ZNF570: variants seen among roughly 807,000 people sequenced by gnomAD.
The protein encoded by ZNF570 is zinc finger protein 570.
ZNF570 carries 8 observed loss-of-function variants against 14.2 expected under a neutral mutation model. The ratio of observed to expected loss-of-function variants is 0.56; its 90% CI spans 0.33 to 1.02. ZNF570 has a LOEUF of 1.02. Ranked by LOEUF, ZNF570 falls within the 50% of genes least tolerant of loss-of-function variation. The pLI, the probability that ZNF570 is intolerant of heterozygous loss-of-function variation, is 0.03. For synonymous variants in ZNF570, 202 were observed against 207.6 expected, an observed-to-expected ratio of 0.97 and a Z score of 0.23; for missense variants, 559 against 624.9, an observed-to-expected ratio of 0.89 and a Z score of 1.12.
intron 4 of ZNF570, among the ~76,000 whole-genome samples, chr19:37,479,991 A>G (rs929826176): frequency 1.1e-4 from 17 of 151,974 alleles, no homozygotes; most frequent in African/African-American, 4.1e-4. Context: ...ATAGATTTGG[A>G]TTTATTTTCC....
Position 37,487,708 on chromosome 19 carries a change from T to A in ZNF570, c.*2475T>A, listed in dbSNP as rs2042171130. 1 of 152,170 alleles carries A rather than the reference T, an allele frequency of 6.6e-6. No individual in the cohort carries two copies. The highest frequency in any genetic ancestry group is 2.4e-5 in the African/African-American group (1 of 41,428). 9.4% of individuals were successfully genotyped at this position (152,170 alleles called of 1,614,324 possible). On this transcript the variant is annotated 3_prime_UTR_variant, in exon 5 of 5. Coordinates refer to ENST00000330173, the MANE Select transcript of ZNF570 (RefSeq NM_144694.5). ...CAAAATGTTTCAGTGGTTTTTTTTG[T>A]TTGTTGTTTTTGTTTTTGTTTTGCC...
intron 4 of ZNF570, among the ~76,000 whole-genome samples, chr19:37,476,741 G>T (rs2042029431): frequency 8.4e-6 from 1 of 118,390 alleles, no homozygotes; most frequent in African/African-American, 3.4e-5. Context: ...ACAGAGTCTC[G>T]CTCTGTCACC....
intron 1 of ZNF570, 192 bp downstream of exon 1, chr19:37,469,749 TG>T (rs2041923496): frequency 1.6e-6 from 1 of 641,490 alleles, no homozygotes; most frequent in Admixed American, 2.7e-5. Context: ...TTGTCGCTTG[TG>T]ATAGATACCC....
chr19:37,469,493 G>A lies in ZNF570; in HGVS notation c.-116G>A, dbSNP rs2041917124. ...GTTCTGCAGGTCGGGAGTGGGCTGA[G>A]GAGTGGCGTGTGGGTCTCCGGAAGC... is the stretch of plus-strand genomic sequence containing the variant. On this transcript the variant is annotated 5_prime_UTR_variant, in exon 1 of 5. Transcript: ENST00000330173. 2.0e-6 allele frequency: 3 copies of A among 1,536,394 alleles called. No homozygotes were observed. In the Admixed American group the frequency reaches 5.9e-5, roughly 30 times the overall value.
chr19:37,484,654 C>T lies in ZNF570; in HGVS notation c.1032C>T (p.Ser344=), dbSNP rs1215907458. Residue 344 remains serine, a synonymous_variant, in exon 5 of 5, where the codon TCC becomes TCT. Transcript: ENST00000330173. ...GGAAAGCATTTAGCAACAGATCATC[C>T]ATTGCTCAACACCAGAGAGTTCATA... The part of the protein sequence containing the change: ...ECGKAFSNRS[S]IAQHQRVHTG... 1 of 1,613,854 alleles carries T rather than the reference C, an allele frequency of 6.2e-7. No individual in the cohort carries two copies. The highest frequency in any genetic ancestry group is 2.2e-5 in the East Asian group (1 of 44,862).
At position 37,470,088 on chromosome 19, in the gene ZNF570, T is replaced by G. The variant is rs547810025; in HGVS notation, c.-51-216T>G. On this transcript the variant is annotated intron_variant, in intron 1 of 4. Transcript: ENST00000330173. ...ACTTACATTCCTCTGAGTCTGTATT[T>G]GTAAAGCCTAGAACATCTGTTGTTA... 22 of 452,090 alleles carry G rather than the reference T, an allele frequency of 4.9e-5. No individual in the cohort carries two copies. In the East Asian group the frequency reaches 7.0e-4, roughly 14 times the overall value. 28.0% of individuals were successfully genotyped at this position (452,090 alleles called of 1,614,324 possible).
At chr19:37,471,420 C>G (rs1397465518) in intron 2 of ZNF570, among the ~76,000 whole-genome samples, 1 of 152,208 alleles carries the variant, frequency 6.6e-6, no homozygotes. Context: ...ACTCTAGTCT[C>G]TAACCAAAAA....
At position 37,484,037 on chromosome 19, in the gene ZNF570, C is replaced by A; in HGVS notation, c.415C>A (p.Pro139Thr). 6.2e-7 allele frequency: 1 copy of A among 1,614,028 alleles called. No homozygotes were observed. The highest frequency in any genetic ancestry group is 1.1e-5 in the South Asian group (1 of 91,076). Residue 139 changes from proline to threonine, a missense_variant, in exon 5 of 5, where the codon CCA becomes ACA. Physicochemically the swap from Pro to Thr is conservative, Grantham distance 38. Transcript: ENST00000330173. The part of the protein sequence containing the change: ...WKCEGYFERQ[P>T]GNQKACFKEE... ...ATGTGAGGGCTATTTTGAAAGGCAA[C>A]CAGGTAATCAGAAGGCGTGTTTCAA...
At chr19:37,471,009 A>ATTTTTTTTTTGTTTTT (rs2041952623) in intron 2 of ZNF570, among the ~76,000 whole-genome samples, 1 of 84,372 alleles carries the variant, frequency 1.2e-5, no homozygotes, top group Admixed American at 1.5e-4. Flanking sequence ...CAGTGAGTAC[A>ATTTTTTTTTTGTTTTT]TTTTTTTTTT....
At position 37,484,576 on chromosome 19, in the gene ZNF570, T is replaced by C. The variant is rs747927712; in HGVS notation, c.954T>C (p.Ala318=). The change falls in exon 5 of 5, where the codon GCT becomes GCC. Residue 318 remains alanine, a synonymous_variant. Transcript: ENST00000330173. ...RKAFSQFAYL[A]QHQRVHTGEK... is the part of the protein sequence containing the mutation. The stretch of plus-strand genomic sequence containing the variant: ...CCTTCAGCCAGTTTGCCTACCTTGC[T>C]CAACATCAGAGAGTTCACACGGGAG... 14 of 1,614,018 alleles carry C rather than the reference T, an allele frequency of 8.7e-6. No homozygotes were observed. The highest frequency in any genetic ancestry group is 1.0e-5 in the Non-Finnish European group (12 of 1,180,028).
At chr19:37,470,773 C>A (rs1177910862) in intron 2 of ZNF570, among the ~76,000 whole-genome samples, 8 of 138,050 alleles carry the variant, frequency 5.8e-5, no homozygotes, top group African/African-American at 1.9e-4. Flanking sequence ...CAATATGGCT[C>A]ACGGCAACAT....
At chr19:37,469,251 GC>G, upstream of ZNF570, 1 of 1,387,376 alleles carries the variant, frequency 7.2e-7, no homozygotes, top group Non-Finnish European at 9.3e-7. Context: ...GCCAGACACT[GC>G]GACGCCGCGA....
At chr19:37,470,158 GCAAA>G in intron 1 of ZNF570, 142 bp from the exon 2 acceptor site, 1 of 635,932 alleles carries the variant, frequency 1.6e-6, no homozygotes, top group Non-Finnish European at 2.7e-6. Flanking sequence ...TAAATTGTAT[GCAAA>G]CAAATTCCTA....
At position 37,484,218 on chromosome 19, in the gene ZNF570, T is replaced by C; in HGVS notation, c.596T>C (p.Phe199Ser). Residue 199 changes from phenylalanine (F) to serine (S), a missense_variant, in exon 5 of 5, where the codon TTT (phenylalanine) becomes TCT (serine). Physicochemically the swap from Phe to Ser is radical, Grantham distance 155. Transcript: ENST00000330173. ...VHKHDTQKRSFKKNLMAIKPK... is the reference protein window; with the variant it reads ...VHKHDTQKRSSKKNLMAIKPK... ...AAACATGACACACAAAAGAGAAGCTTTAAAAAAAATTTAATGGCTATTAAG... is the reference window on the plus strand; with the variant it reads ...AAACATGACACACAAAAGAGAAGCTCTAAAAAAAATTTAATGGCTATTAAG... The C allele has an allele frequency of 6.2e-7, 1 of 1,613,892 alleles. No individual in the cohort carries two copies. The highest frequency in any genetic ancestry group is 8.5e-7 in the Non-Finnish European group (1 of 1,179,992).
chr19:37,474,828 T>C (rs1414846732), intron 2 of ZNF570, among the ~76,000 whole-genome samples: 1 of 152,198 alleles, frequency 6.6e-6, no homozygotes, highest in African/African-American at 2.4e-5. Context: ...GGTTCACATC[T>C]TTTAATTTTG....
Position 37,485,103 on chromosome 19 carries a change from G to T in ZNF570, c.1481G>T (p.Gly494Val). 6.2e-7 allele frequency: 1 copy of T among 1,613,940 alleles called. No homozygotes were observed. The highest frequency in any genetic ancestry group is 8.5e-7 in the Non-Finnish European group (1 of 1,179,952). Reference protein sequence around the residue: ...SLAQHQRIHTGERPYECKECK... With the variant: ...SLAQHQRIHTVERPYECKECK... ...GCCCAACATCAGAGAATTCATACTG[G>T]AGAGAGACCCTATGAATGTAAGGAA... Residue 494 changes from glycine to valine, a missense_variant, in exon 5 of 5, where the codon GGA becomes GTA. Transcript: ENST00000330173.
upstream of ZNF570, chr19:37,468,165 C>T: frequency 3.6e-6 from 2 of 557,634 alleles, no homozygotes; most frequent in East Asian, 3.0e-5. Flanking sequence ...TGGCTCACTG[C>T]AGCCTCGAAC....
At position 37,484,535 on chromosome 19, in the gene ZNF570, A is replaced by G; in HGVS notation, c.913A>G (p.Lys305Glu). Residue 305 changes from lysine (K) to glutamate (E), a missense_variant, in exon 5 of 5, where the codon AAG becomes GAG. By Grantham distance (56) the Lys-to-Glu change is moderately conservative. Transcript: ENST00000330173. ...TACTGGAGAAAAACCTTACGAATGTAAGGTATGTCGAAAAGCCTTCAGCCA... is the reference window on the plus strand; with the variant it reads ...TACTGGAGAAAAACCTTACGAATGTGAGGTATGTCGAAAAGCCTTCAGCCA... ...VHTGEKPYEC[K>E]VCRKAFSQFA... 6.2e-7 allele frequency: 1 copy of G among 1,614,090 alleles called. No homozygotes were observed. The highest frequency in any genetic ancestry group is 8.5e-7 in the Non-Finnish European group (1 of 1,180,022).
intron 2 of ZNF570, 24 bp from the exon 3 acceptor site, chr19:37,475,857 G>A: frequency 6.2e-7 from 1 of 1,603,368 alleles, no homozygotes; most frequent in Non-Finnish European, 8.5e-7. Flanking sequence ...AAGAGATAAG[G>A]TTCTTCCATT....
Sources: gnomAD v4.1 joint callset for allele counts (sites outside exome capture counted in the v4.1 genomes callset) on GRCh38, gnomAD v4.1.1 for gene constraint, MANE v1.5 for transcripts, NCBI Gene and HGNC (gene_info 2026-07-23, HGNC 2026-07-21) for gene names.